Variants in CALN1 observed in about 807,000 individuals in gnomAD.
CALN1 encodes the protein calneuron 1, also known as calcium-binding protein 8.
CALN1 carries 17 observed loss-of-function variants against 30.6 expected under a neutral mutation model. That is an observed-to-expected ratio of 0.56 (90% CI 0.38 to 0.83). The LOEUF is 0.83. CALN1 is among the 40% of genes least tolerant of loss of function. The probability of loss-of-function intolerance (pLI) is 0.00; values close to 1 mark genes in which losing one functional copy is unlikely to be tolerated. For synonymous variants in CALN1, 156 were observed against 131.4 expected (o/e 1.19, Z -1.28); for missense variants, 291 against 354.9 (o/e 0.82, Z 1.45).
At chr7:72,260,556 C>T (rs893559385) in intron 3 of CALN1, among the ~76,000 whole-genome samples, 4 of 152,142 alleles carry the variant, frequency 2.6e-5, no homozygotes, top group African/African-American at 9.7e-5. Context: ...CAAGAGGCTT[C>T]GGCAGCAGCT....
intron 5 of CALN1, among the ~76,000 whole-genome samples, chr7:71,885,381 T>G (rs1241982503): frequency 6.6e-6 from 1 of 152,232 alleles, no homozygotes; most frequent in African/African-American, 2.4e-5. Context: ...CTTGATCTCC[T>G]GATATCGTGA....
the CALN1 span, among the ~76,000 whole-genome samples, chr7:72,468,311 T>TTTTTG: frequency 6.6e-6 from 1 of 152,170 alleles, no homozygotes; most frequent in African/African-American, 2.4e-5. Context: ...CAACTGCTTT[T>TTTTTG]TTTTGTTTTG....
chr7:71,808,879 C>T (rs576238382), intron 6 of CALN1, among the ~76,000 whole-genome samples: 1 of 152,256 alleles, frequency 6.6e-6, no homozygotes, highest in Non-Finnish European at 1.5e-5. Flanking sequence ...GCTGTTTTCT[C>T]AAGTTTCAGT....
At chr7:72,310,610 A>C (rs562091976) in intron 2 of CALN1, among the ~76,000 whole-genome samples, 1 of 152,088 alleles carries the variant, frequency 6.6e-6, no homozygotes, top group East Asian at 1.9e-4. Flanking sequence ...TCTACATCAA[A>C]ACGTAAGAGC....
At chr7:72,161,996 A>C (rs62462849) in intron 3 of CALN1, among the ~76,000 whole-genome samples, 2,204 of 150,788 alleles carry the variant, frequency 0.015, 26 homozygotes, top group Non-Finnish European at 0.026. Flanking sequence ...ATGATATAAT[A>C]CTTTATATAT....
intron 4 of CALN1, among the ~76,000 whole-genome samples, chr7:72,096,807 G>A (rs1806267037): frequency 6.6e-6 from 1 of 152,100 alleles, no homozygotes; most frequent in Admixed American, 6.6e-5. Context: ...TCCCATTACT[G>A]GGTATATACC....
At chr7:71,922,835 A>G (rs1177520144) in intron 5 of CALN1, among the ~76,000 whole-genome samples, 1 of 139,008 alleles carries the variant, frequency 7.2e-6, no homozygotes, top group African/African-American at 2.8e-5. Context: ...GAATATATAT[A>G]AATATATAAT....
At chr7:72,083,528 G>A (rs1306780062) in intron 4 of CALN1, among the ~76,000 whole-genome samples, 4 of 152,140 alleles carry the variant, frequency 2.6e-5, no homozygotes, top group African/African-American at 7.2e-5. Context: ...AGGCTGCATC[G>A]AGCTATGATC....
At chr7:72,015,719 T>C (rs1437478487) in intron 5 of CALN1, among the ~76,000 whole-genome samples, 2 of 152,118 alleles carry the variant, frequency 1.3e-5, no homozygotes, top group Admixed American at 6.5e-5. Flanking sequence ...GCTGGGATTA[T>C]AGGTGTGAGT....
At chr7:72,343,102 G>A (rs1401395101) in intron 2 of CALN1, among the ~76,000 whole-genome samples, 2 of 152,150 alleles carry the variant, frequency 1.3e-5, no homozygotes, top group Non-Finnish European at 2.9e-5. Context: ...ATTGAGCAAT[G>A]GGAAAAAGCT....
intron 5 of CALN1, among the ~76,000 whole-genome samples, chr7:71,944,911 G>A (rs1208155317): frequency 6.6e-6 from 1 of 151,858 alleles, no homozygotes; most frequent in Non-Finnish European, 1.5e-5. Flanking sequence ...CCCTAGAGGT[G>A]ACTACACTGA....
chr7:72,390,126 C>G (rs918999613), intron 2 of CALN1, among the ~76,000 whole-genome samples: 1 of 151,854 alleles, frequency 6.6e-6, no homozygotes, highest in Non-Finnish European at 1.5e-5. Context: ...GAAGCACTGG[C>G]TCTAAGAAAT....
chr7:72,408,805 G>C (rs554424710), intron 1 of CALN1, among the ~76,000 whole-genome samples: 1 of 146,336 alleles, frequency 6.8e-6, no homozygotes, highest in Non-Finnish European at 1.5e-5. Context: ...AGTCCCCTCA[G>C]TAGCTGGGAC....
At chr7:72,158,581 G>A (rs1787885837) in intron 3 of CALN1, among the ~76,000 whole-genome samples, 2 of 152,150 alleles carry the variant, frequency 1.3e-5, no homozygotes, top group South Asian at 2.1e-4. Flanking sequence ...AGACCTGAGA[G>A]TAAGGCTACA....
At chr7:72,363,721 A>C (rs1046942161) in intron 2 of CALN1, among the ~76,000 whole-genome samples, 11 of 139,162 alleles carry the variant, frequency 7.9e-5, no homozygotes, top group Admixed American at 1.7e-4. Flanking sequence ...TGGTTAAAAA[A>C]AACTTTTTTT....
At chr7:72,205,568 G>GTA (rs1253422246) in intron 3 of CALN1, among the ~76,000 whole-genome samples, 5,221 of 91,768 alleles carry the variant, frequency 0.057, 518 homozygotes, top group Middle Eastern at 0.11. Context: ...ATATATATAT[G>GTA]TATATATATA....
At chr7:72,281,572 C>T (rs557386350) in intron 2 of CALN1, among the ~76,000 whole-genome samples, 102 of 152,306 alleles carry the variant, frequency 6.7e-4, no homozygotes, top group Admixed American at 1.8e-3. Flanking sequence ...ATGAGCCTCA[C>T]CAGCTGCTAC....
chr7:72,487,917 A>AGAAGGAAGGAAGGAAG, the CALN1 span, among the ~76,000 whole-genome samples: 1 of 62,242 alleles, frequency 1.6e-5, no homozygotes, highest in African/African-American at 8.1e-5. Flanking sequence ...AAAGAAAGAA[A>AGAAGGAAGGAAGGAAG]GAAGGAAGGA....
intron 2 of CALN1, among the ~76,000 whole-genome samples, chr7:72,375,572 A>AAC (rs555230943): frequency 5.1e-4 from 77 of 151,114 alleles, no homozygotes; most frequent in Non-Finnish European, 9.3e-4. Context: ...CTCCAGGAAA[A>AAC]AAAAAAAAAA....
Sources: allele counts gnomAD v4.1 joint callset (sites outside exome capture counted in the v4.1 genomes callset), GRCh38; gene constraint gnomAD v4.1.1; transcripts MANE v1.5; gene names NCBI Gene and HGNC (gene_info 2026-07-23, HGNC 2026-07-21).